Variants in SYT10 observed in about 807,000 individuals in gnomAD.
SYT10 encodes the protein synaptotagmin-10.
In SYT10, 31 loss-of-function variants were observed where a neutral mutation model predicts 51.1. The observed-to-expected ratio is 0.61, with a 90% confidence interval of 0.46 to 0.82. SYT10 has a LOEUF of 0.82. Among genes scored for constraint, SYT10 ranks in the 40% least tolerant of loss-of-function variants. SYT10 has a pLI of 0.00. For missense variants in SYT10, 603 were observed against 634.0 expected, an observed-to-expected ratio of 0.95 and a Z score of 0.53; for synonymous variants, 233 against 225.9, an observed-to-expected ratio of 1.03 and a Z score of -0.28.
intron 6 of SYT10, among the ~76,000 whole-genome samples, chr12:33,378,948 T>C (rs11052662): frequency 0.014 from 2,148 of 152,230 alleles, 52 homozygotes; most frequent in African/African-American, 0.048. Context: ...TAAACAGATA[T>C]TGACGATGAC....
At chr12:33,425,185 C>T (rs1383136960) in intron 2 of SYT10, among the ~76,000 whole-genome samples, 1 of 152,112 alleles carries the variant, frequency 6.6e-6, no homozygotes, top group East Asian at 1.9e-4. Flanking sequence ...GATGCGTCTT[C>T]GGTTTAGAGA....
intron 3 of SYT10, among the ~76,000 whole-genome samples, chr12:33,395,958 T>C (rs1369068630): frequency 6.6e-6 from 1 of 152,212 alleles, no homozygotes; most frequent in Non-Finnish European, 1.5e-5. Flanking sequence ...ATGAAAGATT[T>C]AACACCTAGT....
chr12:33,425,328 A>C (rs1336505136), intron 2 of SYT10, among the ~76,000 whole-genome samples: 1 of 152,158 alleles, frequency 6.6e-6, no homozygotes, highest in Admixed American at 6.6e-5. Flanking sequence ...AAAAATTGCT[A>C]ACATGCCATT....
At chr12:33,419,576 G>A (rs915517213) in intron 2 of SYT10, among the ~76,000 whole-genome samples, 3 of 152,046 alleles carry the variant, frequency 2.0e-5, no homozygotes, top group African/African-American at 7.2e-5. Context: ...CAGTTATTCT[G>A]AACTTAAAAC....
chr12:33,421,777 A>G (rs895745460), intron 2 of SYT10, among the ~76,000 whole-genome samples: 6 of 152,280 alleles, frequency 3.9e-5, no homozygotes, highest in Non-Finnish European at 7.4e-5. Flanking sequence ...TTTAAATAAT[A>G]AAGGATAATA....
At position 33,407,096 on chromosome 12, in the gene SYT10, T is replaced by A; in HGVS notation, c.770A>T (p.Asp257Val). The change falls in exon 3 of 7, where the codon GAT becomes GTT. Residue 257 changes from aspartate (D) to valine (V), a missense_variant. Asp to Val is a radical substitution (Grantham distance 152, BLOSUM62 -3). Coordinates refer to ENST00000228567, the MANE Select transcript of SYT10 (RefSeq NM_198992.4). ...LLVVKIIKALDLPAKDFTGTS... is the reference protein window; with the variant it reads ...LLVVKIIKALVLPAKDFTGTS... The stretch of plus-strand genomic sequence containing the variant: ...TCCTGTGAAGTCTTTAGCAGGGAGA[T>A]CTAAAGCTTTGATAATTTTAACAAC... 1 of 1,613,748 alleles carries A rather than the reference T, an allele frequency of 6.2e-7. No individual in the cohort carries two copies. The highest frequency in any genetic ancestry group is 8.5e-7 in the Non-Finnish European group (1 of 1,179,896).
At chr12:33,435,710 C>T (rs975435346) in intron 1 of SYT10, among the ~76,000 whole-genome samples, 12 of 152,114 alleles carry the variant, frequency 7.9e-5, no homozygotes, top group African/African-American at 2.9e-4. Context: ...TTTGCTTTGT[C>T]CCTCTACTAT....
At chr12:33,405,860 A>G (rs899980369) in intron 3 of SYT10, 7 of 21,140 alleles carry the variant, frequency 3.3e-4, no homozygotes, top group African/African-American at 9.2e-4. Context: ...AATAATCTTG[A>G]AAAAAAAAAC....
At chr12:33,413,546 A>G (rs1866426302) in intron 2 of SYT10, among the ~76,000 whole-genome samples, 1 of 152,194 alleles carries the variant, frequency 6.6e-6, no homozygotes, top group South Asian at 2.1e-4. Context: ...CTTAAAGAAA[A>G]GTATTTTCAA....
intron 1 of SYT10, among the ~76,000 whole-genome samples, chr12:33,438,101 C>T (rs1866652492): frequency 6.6e-6 from 1 of 152,124 alleles, no homozygotes; most frequent in Non-Finnish European, 1.5e-5. Flanking sequence ...AAACTAAACC[C>T]ATTCCCACTC....
intron 6 of SYT10, among the ~76,000 whole-genome samples, chr12:33,377,420 G>C (rs931687631): frequency 1.3e-5 from 2 of 151,602 alleles, no homozygotes; most frequent in African/African-American, 4.9e-5. Flanking sequence ...TTCTAGGAAA[G>C]AGCAGTAAGA....
At chr12:33,401,141 T>C (rs1236558053) in intron 3 of SYT10, among the ~76,000 whole-genome samples, 1 of 152,232 alleles carries the variant, frequency 6.6e-6, no homozygotes, top group Non-Finnish European at 1.5e-5. Context: ...ATCATTCTTT[T>C]TCTATAGTCA....
intron 1 of SYT10, among the ~76,000 whole-genome samples, chr12:33,438,600 A>C (rs1866656989): frequency 6.6e-6 from 1 of 152,054 alleles, no homozygotes; most frequent in African/African-American, 2.4e-5. Context: ...CATCCAGCCC[A>C]TTTCCTAGTT....
chr12:33,393,813 A>G (rs1262614246), intron 3 of SYT10, among the ~76,000 whole-genome samples: 1 of 152,114 alleles, frequency 6.6e-6, no homozygotes, highest in Non-Finnish European at 1.5e-5. Flanking sequence ...CCCCCACTCC[A>G]CTACAACTGC....
chr12:33,403,335 G>A (rs1866322849), intron 3 of SYT10, among the ~76,000 whole-genome samples: 1 of 150,234 alleles, frequency 6.7e-6, no homozygotes, highest in African/African-American at 2.5e-5. Flanking sequence ...TAGTTCAAGT[G>A]ATTCTCCTGC....
At chr12:33,410,874 A>C (rs761009466) in intron 2 of SYT10, among the ~76,000 whole-genome samples, 20 of 152,226 alleles carry the variant, frequency 1.3e-4, no homozygotes, top group Admixed American at 2.6e-4. Flanking sequence ...ACATTTTCAC[A>C]ATAAAAAGTT....
At chr12:33,423,991 C>T (rs1019491877) in intron 2 of SYT10, 4 of 455,770 alleles carry the variant, frequency 8.8e-6, no homozygotes, top group South Asian at 1.5e-5. Flanking sequence ...TTCTTTTCTT[C>T]TTCTTCTTTC....
intron 3 of SYT10, among the ~76,000 whole-genome samples, chr12:33,385,887 T>A (rs1293087288): frequency 6.6e-6 from 1 of 152,216 alleles, no homozygotes; most frequent in African/African-American, 2.4e-5. Context: ...TAAAACTGTT[T>A]AAGGGATCAC....
chr12:33,415,558 A>C (rs1866445665), intron 2 of SYT10, among the ~76,000 whole-genome samples: 1 of 152,216 alleles, frequency 6.6e-6, no homozygotes, highest in African/African-American at 2.4e-5. Flanking sequence ...TCACAGAAGA[A>C]AAGTAAAAAT....
Sources: allele counts gnomAD v4.1 joint callset (sites outside exome capture counted in the v4.1 genomes callset), GRCh38; gene constraint gnomAD v4.1.1; transcripts MANE v1.5; gene names NCBI Gene and HGNC (gene_info 2026-07-23, HGNC 2026-07-21).